SENP7: variants seen among roughly 807,000 people sequenced by gnomAD.
The protein encoded by SENP7 is sentrin-specific protease 7.
Under a neutral mutation model 141.2 loss-of-function variants are expected in SENP7, and 64 were observed. The observed-to-expected ratio is 0.45, with a 90% CI of 0.37 to 0.56. The LOEUF (loss-of-function observed/expected upper bound fraction) is 0.56. Ranked by LOEUF, SENP7 falls within the 20% of genes least tolerant of loss-of-function variation. SENP7 has a pLI of 0.00. For missense variants in SENP7, 1,025 were observed against 1,212.2 expected, an observed-to-expected ratio of 0.85 and a Z score of 2.29; for synonymous variants, 382 against 426.4, an observed-to-expected ratio of 0.90 and a Z score of 1.28.
intron 16 of SENP7, among the ~76,000 whole-genome samples, chr3:101,338,363 G>T (rs141939290): frequency 6.6e-6 from 1 of 152,114 alleles, no homozygotes; most frequent in East Asian, 1.9e-4. Flanking sequence ...AACAAATCTA[G>T]AAAAATGTTA....
intron 13 of SENP7, among the ~76,000 whole-genome samples, chr3:101,344,668 AG>A: frequency 6.6e-6 from 1 of 152,212 alleles, no homozygotes; most frequent in African/African-American, 2.4e-5. Context: ...TATATTATAT[AG>A]ATAAGTGTTA....
chr3:101,442,056 T>A (rs529152193), intron 4 of SENP7, among the ~76,000 whole-genome samples: 73 of 152,056 alleles, frequency 4.8e-4, no homozygotes, highest in African/African-American at 1.4e-3. Flanking sequence ...CCAAATGAGG[T>A]TAATCCATAA....
chr3:101,354,072 C>G (rs1175193927), intron 11 of SENP7, among the ~76,000 whole-genome samples: 3 of 151,928 alleles, frequency 2.0e-5, no homozygotes. Flanking sequence ...TTAGGTTATT[C>G]ATTATACTTA....
chr3:101,448,839 G>T (rs549140513), intron 4 of SENP7, among the ~76,000 whole-genome samples: 1 of 152,192 alleles, frequency 6.6e-6, no homozygotes, highest in Admixed American at 6.5e-5. Flanking sequence ...CCAAAGGAAC[G>T]CAGCTTCTCA....
At chr3:101,401,973 T>C (rs966687668) in intron 5 of SENP7, among the ~76,000 whole-genome samples, 21 of 144,568 alleles carry the variant, frequency 1.5e-4, no homozygotes, top group Admixed American at 8.6e-4. Context: ...AAATGAGTCA[T>C]GCTGGGCAAC....
At chr3:101,464,765 TGG>T (rs1385647963) in intron 3 of SENP7, among the ~76,000 whole-genome samples, 14 of 152,198 alleles carry the variant, frequency 9.2e-5, no homozygotes, top group Non-Finnish European at 1.5e-5. Flanking sequence ...CCCCACTACC[TGG>T]ATCCATAGAA....
At chr3:101,338,473 C>A (rs2059246581) in intron 16 of SENP7, among the ~76,000 whole-genome samples, 1 of 151,926 alleles carries the variant, frequency 6.6e-6, no homozygotes, top group Non-Finnish European at 1.5e-5. Context: ...AGTAATTAAC[C>A]CCTTCATGAT....
chr3:101,447,071 C>G (rs10936630), intron 4 of SENP7, among the ~76,000 whole-genome samples: 67,407 of 151,950 alleles, frequency 0.44, 15,313 homozygotes, highest in Admixed American at 0.55. Context: ...TGATACCATA[C>G]AAATACAAAG....
At chr3:101,443,898 A>G (rs1201230052) in intron 4 of SENP7, among the ~76,000 whole-genome samples, 6 of 151,562 alleles carry the variant, frequency 4.0e-5, no homozygotes, top group Non-Finnish European at 8.8e-5. Flanking sequence ...AAACAGGAGC[A>G]ATTTGACTAA....
chr3:101,334,345 C>G (rs183842781), intron 17 of SENP7, among the ~76,000 whole-genome samples: 50 of 152,062 alleles, frequency 3.3e-4, no homozygotes, highest in Non-Finnish European at 5.6e-4. Flanking sequence ...AAGAAAATGA[C>G]ATTTAACAGG....
chr3:101,430,363 G>T (rs935465511), intron 4 of SENP7, among the ~76,000 whole-genome samples: 2 of 152,132 alleles, frequency 1.3e-5, no homozygotes, highest in Admixed American at 6.5e-5. Context: ...CTCAATTTCA[G>T]AGCCTGTTAT....
At chr3:101,448,420 A>G (rs1417252803) in intron 4 of SENP7, among the ~76,000 whole-genome samples, 1 of 152,250 alleles carries the variant, frequency 6.6e-6, no homozygotes. Context: ...TAAAATGGGC[A>G]AAGGATCTGA....
chr3:101,462,025 T>C (rs576688119), intron 3 of SENP7, among the ~76,000 whole-genome samples: 1 of 152,304 alleles, frequency 6.6e-6, no homozygotes, highest in Admixed American at 6.5e-5. Context: ...AATAGAGAGA[T>C]AAATTAAGAA....
intron 7 of SENP7, among the ~76,000 whole-genome samples, chr3:101,370,592 GTAT>G (rs1053589619): frequency 3.3e-5 from 5 of 151,924 alleles, no homozygotes; most frequent in African/African-American, 1.2e-4. Flanking sequence ...TTTTATGATT[GTAT>G]TATTTTTATT....
upstream of SENP7, chr3:101,513,212 G>GAAAAAAAAAAAAAAAAA (rs1254138448): frequency 1.5e-5 from 2 of 132,838 alleles, 1 homozygote; most frequent in Admixed American, 2.6e-4. Context: ...GGAGGGGAAA[G>GAAAAAAAAAAAAAAAAA]GAAAAAAAAA....
At chr3:101,452,288 C>A (rs974725355) in intron 4 of SENP7, among the ~76,000 whole-genome samples, 1 of 152,144 alleles carries the variant, frequency 6.6e-6, no homozygotes, top group African/African-American at 2.4e-5. Context: ...GGCCATACTG[C>A]CCAAGGTAAT....
chr3:101,362,860 T>C (rs560208458), intron 10 of SENP7, among the ~76,000 whole-genome samples: 1 of 152,230 alleles, frequency 6.6e-6, no homozygotes, highest in African/African-American at 2.4e-5. Context: ...TTTTAAATTA[T>C]AATAGAAAAC....
chr3:101,341,601 T>C, intron 15 of SENP7, 45 bp downstream of exon 15: 1 of 1,390,602 alleles, frequency 7.2e-7, no homozygotes, highest in Non-Finnish European at 9.5e-7. Flanking sequence ...GAATAAAAAC[T>C]ACTAATATGC....
intron 10 of SENP7, chr3:101,363,142 ATTTC>A (rs2059945151): frequency 2.1e-6 from 2 of 934,526 alleles, no homozygotes; most frequent in East Asian, 1.2e-4. Flanking sequence ...GCTTAATTGA[ATTTC>A]TTTGTCATTC....
Sources: gnomAD v4.1 joint callset for allele counts (sites outside exome capture counted in the v4.1 genomes callset) on GRCh38, gnomAD v4.1.1 for gene constraint, MANE v1.5 for transcripts, NCBI Gene and HGNC (gene_info 2026-07-23, HGNC 2026-07-21) for gene names.